Variants in COL5A2 observed in about 807,000 individuals in gnomAD.
COL5A2 encodes the protein collagen type V alpha 2 chain, also known as collagen alpha-2(V) chain.
Under a neutral mutation model 208.2 loss-of-function variants are expected in COL5A2, and 23 were observed. The observed-to-expected ratio is 0.11, with a 90% CI of 0.08 to 0.16. The LOEUF is 0.16. Ranked by LOEUF, COL5A2 falls within the 10% of genes least tolerant of loss-of-function variation. The pLI, the probability that COL5A2 is intolerant of heterozygous loss-of-function variation, is 1.00. For synonymous variants in COL5A2, 625 were observed against 628.5 expected (o/e 0.99, Z 0.08); for missense variants, 1,590 against 1,956.4 (o/e 0.81, Z 3.53).
the COL5A2 span, among the ~76,000 whole-genome samples, chr2:189,291,996 TTAAC>T: frequency 2.0e-5 from 3 of 152,290 alleles, no homozygotes; most frequent in Admixed American, 2.0e-4. Flanking sequence ...GTGATCATAA[TTAAC>T]ACCCCAGAAG....
the COL5A2 span, among the ~76,000 whole-genome samples, chr2:189,280,389 C>T: frequency 7.2e-5 from 11 of 152,132 alleles, no homozygotes; most frequent in Non-Finnish European, 8.8e-5. Flanking sequence ...CTGTCAAGCT[C>T]ACTCTTGTAG....
chr2:189,105,179 G>A (rs1265828590), intron 2 of COL5A2, among the ~76,000 whole-genome samples: 1 of 151,642 alleles, frequency 6.6e-6, no homozygotes, highest in Non-Finnish European at 1.5e-5. Context: ...ATTGTAATGA[G>A]TAATTGTTAC....
At chr2:189,307,278 A>C in the COL5A2 span, among the ~76,000 whole-genome samples, 1 of 152,148 alleles carries the variant, frequency 6.6e-6, no homozygotes, top group Non-Finnish European at 1.5e-5. Context: ...CATTTCTTTA[A>C]ACAAAATCGA....
At chr2:189,144,336 G>A (rs1687996801) in intron 1 of COL5A2, among the ~76,000 whole-genome samples, 1 of 152,062 alleles carries the variant, frequency 6.6e-6, no homozygotes, top group South Asian at 2.1e-4. Flanking sequence ...TACAAGTTTT[G>A]TTTCTGAGCA....
intron 1 of COL5A2, among the ~76,000 whole-genome samples, chr2:189,159,066 G>C (rs1688309419): frequency 6.6e-6 from 1 of 152,154 alleles, no homozygotes; most frequent in Non-Finnish European, 1.5e-5. Context: ...CATTTCTGCA[G>C]ATGATTACAT....
the COL5A2 span, among the ~76,000 whole-genome samples, chr2:189,274,037 A>G: frequency 6.6e-6 from 1 of 152,108 alleles, no homozygotes; most frequent in African/African-American, 2.4e-5. Flanking sequence ...ATGTGAGGTA[A>G]TGCATATGTT....
chr2:189,271,579 C>A, the COL5A2 span, among the ~76,000 whole-genome samples: 4 of 152,100 alleles, frequency 2.6e-5, no homozygotes, highest in Non-Finnish European at 5.9e-5. Context: ...TAGACAATAC[C>A]ATTCAGGACA....
chr2:189,325,632 G>C, the COL5A2 span, among the ~76,000 whole-genome samples: 1 of 152,030 alleles, frequency 6.6e-6, no homozygotes, highest in African/African-American at 2.4e-5. Context: ...TTATTTGTTT[G>C]TATATATTTG....
At chr2:189,056,843 A>T in intron 35 of COL5A2, 130 bp downstream of exon 35, 2 of 844,932 alleles carry the variant, frequency 2.4e-6, no homozygotes, top group South Asian at 2.7e-5. Context: ...CAGATCTCAC[A>T]TGCCATTATT....
At chr2:189,354,018 C>A in the COL5A2 span, among the ~76,000 whole-genome samples, 1 of 152,072 alleles carries the variant, frequency 6.6e-6, no homozygotes, top group Non-Finnish European at 1.5e-5. Context: ...TTGTCAAAGG[C>A]CTTTTCTGCA....
intron 1 of COL5A2, among the ~76,000 whole-genome samples, chr2:189,127,883 A>G (rs752370817): frequency 6.2e-4 from 95 of 152,144 alleles, no homozygotes; most frequent in East Asian, 1.9e-4. Context: ...CCATTTATAT[A>G]AGGCTATGAT....
intron 52 of COL5A2, 68 bp from the exon 53 acceptor site, chr2:189,035,223 G>C: frequency 6.3e-7 from 1 of 1,576,638 alleles, no homozygotes; most frequent in Non-Finnish European, 8.7e-7. Flanking sequence ...CACATGTATA[G>C]ATAAATATAT....
At chr2:189,056,496 CT>C (rs1217084215) in intron 35 of COL5A2, among the ~76,000 whole-genome samples, 1 of 152,116 alleles carries the variant, frequency 6.6e-6, no homozygotes, top group Non-Finnish European at 1.5e-5. Flanking sequence ...GGACATTCTG[CT>C]TGTTCAAACT....
intron 1 of COL5A2, among the ~76,000 whole-genome samples, chr2:189,186,362 G>A (rs566383637): frequency 1.9e-4 from 29 of 152,158 alleles, no homozygotes; most frequent in African/African-American, 6.5e-4. Flanking sequence ...CTCACTGAAA[G>A]CCACTATGAA....
the COL5A2 span, among the ~76,000 whole-genome samples, chr2:189,436,665 C>A: frequency 1.2e-4 from 19 of 152,100 alleles, no homozygotes; most frequent in Admixed American, 6.5e-4. Flanking sequence ...GAATACTATG[C>A]AGCCACAAAA....
chr2:189,172,972 T>TA (rs1473582868), intron 1 of COL5A2, among the ~76,000 whole-genome samples: 1 of 144,256 alleles, frequency 6.9e-6, no homozygotes, highest in Non-Finnish European at 1.5e-5. Flanking sequence ...CCTCTTCTTT[T>TA]TTTTTTTTTT....
chr2:189,270,397 A>T, the COL5A2 span, among the ~76,000 whole-genome samples: 1 of 152,090 alleles, frequency 6.6e-6, no homozygotes, highest in Non-Finnish European at 1.5e-5. Flanking sequence ...ACTGCTTTAA[A>T]TGTTTCCCAG....
In COL5A2 at chr2:189,045,940, C is replaced by T. The variant is rs749762988; in HGVS notation, c.3202-33G>A. 12 of 1,568,268 alleles carry T rather than the reference C, an allele frequency of 7.7e-6. No individual in the cohort carries two copies. In the South Asian group the frequency reaches 1.2e-4, roughly 16 times the overall value. On this transcript the variant is annotated intron_variant, in intron 45 of 53. Coordinates refer to ENST00000374866, the MANE Select transcript of COL5A2 (RefSeq NM_000393.5). ...GAATAACCATGATATTATTTTTTAA[C>T]ATTTATTCTAAAACAACAATATTCC...
chr2:189,274,979 T>A, the COL5A2 span, among the ~76,000 whole-genome samples: 1 of 152,192 alleles, frequency 6.6e-6, no homozygotes, highest in African/African-American at 2.4e-5. Flanking sequence ...TTAATCTTTT[T>A]CTTTACTTAT....
Sources: gnomAD v4.1 joint callset for allele counts (sites outside exome capture counted in the v4.1 genomes callset) on GRCh38, gnomAD v4.1.1 for gene constraint, MANE v1.5 for transcripts, NCBI Gene and HGNC (gene_info 2026-07-23, HGNC 2026-07-21) for gene names.